Variants in GTF2E2 observed in about 807,000 individuals in gnomAD.
The protein encoded by GTF2E2 is general transcription factor IIE subunit 2, also known as transcription initiation factor IIE subunit beta.
Under a neutral mutation model 40.5 loss-of-function variants are expected in GTF2E2, and 21 were observed. That is an observed-to-expected ratio of 0.52 (90% CI 0.37 to 0.75). The LOEUF (loss-of-function observed/expected upper bound fraction) is 0.75. Among genes scored for constraint, GTF2E2 ranks in the 30% least tolerant of loss-of-function variants. The pLI is 0.00. For synonymous variants in GTF2E2, 117 were observed against 121.6 expected (o/e 0.96, Z 0.25); for missense variants, 298 against 338.4 (o/e 0.88, Z 0.94).
At chr8:30,648,453 C>T (rs775803331) in intron 2 of GTF2E2, among the ~76,000 whole-genome samples, 5 of 152,216 alleles carry the variant, frequency 3.3e-5, no homozygotes, top group Non-Finnish European at 5.9e-5. Context: ...ATCCAATGAC[C>T]GTGGCCTGAA....
At chr8:30,626,166 T>C (rs1485981907) in intron 3 of GTF2E2, among the ~76,000 whole-genome samples, 1 of 152,192 alleles carries the variant, frequency 6.6e-6, no homozygotes, top group Non-Finnish European at 1.5e-5. Context: ...CTCTGAAATG[T>C]TGCAAAACAT....
At chr8:30,642,439 C>T (rs574297052) in intron 2 of GTF2E2, among the ~76,000 whole-genome samples, 51 of 152,192 alleles carry the variant, frequency 3.4e-4, no homozygotes, top group Non-Finnish European at 6.6e-4. Flanking sequence ...AGGAATAGTG[C>T]TTTTTATTTC....
intron 1 of GTF2E2, among the ~76,000 whole-genome samples, chr8:30,657,190 T>C (rs1802475787): frequency 6.6e-6 from 1 of 151,920 alleles, no homozygotes; most frequent in Non-Finnish European, 1.5e-5. Flanking sequence ...CCAATATGTG[T>C]ACTAAGTTTT....
At chr8:30,604,210 T>A (rs1298671545) in intron 6 of GTF2E2, among the ~76,000 whole-genome samples, 2 of 152,032 alleles carry the variant, frequency 1.3e-5, no homozygotes, top group Non-Finnish European at 2.9e-5. Flanking sequence ...AAAGTGACCA[T>A]ACTGAAACAA....
At chr8:30,625,651 T>G (rs1430019650) in intron 3 of GTF2E2, among the ~76,000 whole-genome samples, 1 of 152,034 alleles carries the variant, frequency 6.6e-6, no homozygotes, top group Non-Finnish European at 1.5e-5. Context: ...CAGGCAGGAG[T>G]ACAGTGGCAC....
intron 6 of GTF2E2, among the ~76,000 whole-genome samples, chr8:30,581,371 G>A (rs982168796): frequency 6.6e-5 from 10 of 152,146 alleles, no homozygotes; most frequent in Admixed American, 1.3e-4. Context: ...AAATGAAGTA[G>A]GCATCTGATA....
intron 5 of GTF2E2, among the ~76,000 whole-genome samples, chr8:30,611,052 T>C (rs2151127711): frequency 6.6e-6 from 1 of 152,258 alleles, no homozygotes; most frequent in East Asian, 1.9e-4. Flanking sequence ...GGATGAACCT[T>C]GAGAATATTA....
At chr8:30,631,168 G>T (rs1216389701) in intron 3 of GTF2E2, among the ~76,000 whole-genome samples, 1 of 152,144 alleles carries the variant, frequency 6.6e-6, no homozygotes, top group African/African-American at 2.4e-5. Context: ...TTACAGGCAT[G>T]TGCCAACACA....
At chr8:30,617,890 T>TAC (rs1800970353) in intron 3 of GTF2E2, among the ~76,000 whole-genome samples, 1 of 152,154 alleles carries the variant, frequency 6.6e-6, no homozygotes, top group Non-Finnish European at 1.5e-5. Flanking sequence ...GCAGCTATAG[T>TAC]ACAGCAGTGG....
At chr8:30,642,995 G>C (rs769378019) in intron 2 of GTF2E2, among the ~76,000 whole-genome samples, 1 of 152,102 alleles carries the variant, frequency 6.6e-6, no homozygotes, top group Admixed American at 6.6e-5. Flanking sequence ...TGTTGCCCAC[G>C]CTGGAGTGCA....
At chr8:30,587,671 G>A (rs964272197) in intron 6 of GTF2E2, among the ~76,000 whole-genome samples, 6 of 151,754 alleles carry the variant, frequency 4.0e-5, no homozygotes, top group African/African-American at 1.2e-4. Context: ...TCAGGAGTTC[G>A]AGACCAGCCT....
intron 5 of GTF2E2, among the ~76,000 whole-genome samples, chr8:30,609,092 C>T (rs1368031055): frequency 1.3e-5 from 2 of 151,722 alleles, no homozygotes; most frequent in African/African-American, 4.8e-5. Context: ...ATGGTGAAAC[C>T]CCATCTCTAC....
intron 3 of GTF2E2, among the ~76,000 whole-genome samples, chr8:30,615,700 G>A (rs900389464): frequency 6.6e-6 from 1 of 152,174 alleles, no homozygotes; most frequent in African/African-American, 2.4e-5. Context: ...AGGAACAGGA[G>A]CTGTCATTCA....
At chr8:30,634,552 C>G (rs974462293) in intron 3 of GTF2E2, among the ~76,000 whole-genome samples, 3 of 152,134 alleles carry the variant, frequency 2.0e-5, no homozygotes, top group African/African-American at 7.2e-5. Flanking sequence ...ACATTAAATT[C>G]TAATTCTTTT....
Position 30,607,149 on chromosome 8 carries a change from G to C in GTF2E2, c.551C>G (p.Ala184Gly), listed in dbSNP as rs1357122776. The C allele has an allele frequency of 8.0e-7, 1 of 1,248,480 alleles. No homozygotes were observed. Among genetic ancestry groups the C allele is most frequent in the Non-Finnish European group, 1.1e-6 (1 of 879,726 alleles). 77.3% of individuals were successfully genotyped at this position (1,248,480 alleles called of 1,614,324 possible). Residue 184 changes from alanine (A) to glycine (G), a missense_variant and splice_region_variant, in exon 6 of 8, where the codon GCT becomes GGT. Coordinates refer to ENST00000355904, the MANE Select transcript of GTF2E2 (RefSeq NM_002095.6). ...ALPNSQKAVK[A>G]LGDQILFVNR... is the part of the protein sequence containing the mutation. ...TACAAATAGTATCTGGTCCCCCAAA[G>C]CCTTAAAGATAGATAAAATAAAGAT... is the stretch of plus-strand genomic sequence containing the variant.
At chr8:30,585,459 T>C (rs1489917209) in intron 6 of GTF2E2, among the ~76,000 whole-genome samples, 1 of 152,080 alleles carries the variant, frequency 6.6e-6, no homozygotes, top group African/African-American at 2.4e-5. Context: ...CTTCTAAAAA[T>C]TTCTTAAAAA....
intron 4 of GTF2E2, among the ~76,000 whole-genome samples, chr8:30,613,051 C>T (rs1446841862): frequency 6.6e-6 from 1 of 152,138 alleles, no homozygotes; most frequent in African/African-American, 2.4e-5. Context: ...GAGAAATAAA[C>T]CATTTTATCA....
At chr8:30,590,399 C>A (rs10086930) in intron 6 of GTF2E2, among the ~76,000 whole-genome samples, 4,983 of 152,162 alleles carry the variant, frequency 0.033, 300 homozygotes, top group African/African-American at 0.11. Flanking sequence ...GTATAAATAC[C>A]CATTAATTTA....
At chr8:30,602,668 T>G (rs1829214475) in intron 6 of GTF2E2, among the ~76,000 whole-genome samples, 1 of 150,440 alleles carries the variant, frequency 6.6e-6, no homozygotes, top group African/African-American at 2.4e-5. Context: ...GCAGGAGAAT[T>G]GCTTGAACCC....
Sources: allele counts gnomAD v4.1 joint callset (sites outside exome capture counted in the v4.1 genomes callset), GRCh38; gene constraint gnomAD v4.1.1; transcripts MANE v1.5; gene names NCBI Gene and HGNC (gene_info 2026-07-23, HGNC 2026-07-21).